The following GLCCI1 variants were observed in gnomAD, a reference collection of about 807,000 sequenced individuals.
GLCCI1 encodes the protein glucocorticoid-induced transcript 1 protein.
Under a neutral mutation model 52.2 loss-of-function variants are expected in GLCCI1, and 24 were observed. That is an observed-to-expected ratio of 0.46 (90% CI 0.33 to 0.65). The LOEUF is 0.65. Ranked by LOEUF, GLCCI1 falls within the 30% of genes least tolerant of loss-of-function variation. GLCCI1 has a pLI of 0.02. For synonymous variants in GLCCI1, 310 were observed against 276.5 expected (o/e 1.12, Z -1.20); for missense variants, 704 against 701.5 (o/e 1.00, Z -0.04).
Position 8,004,189 on chromosome 7 carries a change from C to G in GLCCI1, c.609+130C>G, listed in dbSNP as rs1040270672. 10 of 858,794 alleles carry G rather than the reference C, an allele frequency of 1.2e-5. No individual in the cohort carries two copies. In the African/African-American group the frequency reaches 1.7e-4, roughly 14 times the overall value. The allele number at this position is 858,794 out of a possible 1,614,324, so 53.2% of individuals were successfully genotyped here. On this transcript the variant is annotated intron_variant, in intron 2 of 7. Transcript: ENST00000223145. ...TCCAACCAAGGAAGAAAGGAAAAAT[C>G]CATTGTTTTAAATAAACTTTGCAGT...
chr7:7,989,407 A>G (rs1232608650), intron 1 of GLCCI1, among the ~76,000 whole-genome samples: 1 of 152,184 alleles, frequency 6.6e-6, no homozygotes, highest in Non-Finnish European at 1.5e-5. Context: ...GTAAAATGTC[A>G]GAGCATAGAA....
Position 8,069,411 on chromosome 7 carries a change from A to G in GLCCI1, c.967-1510A>G, listed in dbSNP as rs113899313. Among the ~76,000 whole-genome samples, 224 of 152,138 alleles carry G rather than the reference A, an allele frequency of 1.5e-3. 2 individuals are homozygous for G. Among genetic ancestry groups the G allele is most frequent in the African/African-American group, 4.8e-3 (200 of 41,500 alleles). Reference sequence around the variant, plus strand: ...TTCCTAGTACAAGGGTAGCAAGGGCAGTACCACTGCAGTGGCAGTGGCAGA... The same window carrying G: ...TTCCTAGTACAAGGGTAGCAAGGGCGGTACCACTGCAGTGGCAGTGGCAGA... On this transcript the variant is annotated intron_variant, in intron 5 of 7. Transcript: ENST00000223145.
chr7:8,051,853 G>A (rs1261545868), intron 3 of GLCCI1, among the ~76,000 whole-genome samples: 1 of 152,152 alleles, frequency 6.6e-6, no homozygotes, highest in African/African-American at 2.4e-5. Flanking sequence ...TTTACATATT[G>A]TGGATATGAA....
intron 1 of GLCCI1, among the ~76,000 whole-genome samples, chr7:7,993,704 A>G (rs1780888942): frequency 6.6e-6 from 1 of 151,658 alleles, no homozygotes; most frequent in African/African-American, 2.4e-5. Flanking sequence ...ACTCATTTAT[A>G]TTTGGTGTTT....
At chr7:7,994,706 T>G (rs1249162332) in intron 1 of GLCCI1, among the ~76,000 whole-genome samples, 1 of 152,232 alleles carries the variant, frequency 6.6e-6, no homozygotes, top group African/African-American at 2.4e-5. Flanking sequence ...AGCACCTTTC[T>G]TCCTTGCTGT....
intron 5 of GLCCI1, among the ~76,000 whole-genome samples, chr7:8,061,995 T>A (rs910596175): frequency 2.0e-5 from 3 of 152,092 alleles, no homozygotes; most frequent in Non-Finnish European, 1.5e-5. Flanking sequence ...ATGCATTAAG[T>A]GAAGTTTAAG....
intron 3 of GLCCI1, among the ~76,000 whole-genome samples, chr7:8,048,117 T>C (rs1453219319): frequency 2.0e-5 from 3 of 152,226 alleles, no homozygotes; most frequent in African/African-American, 7.2e-5. Context: ...GCTACTGTCA[T>C]AAGAGAGTTT....
At chr7:8,053,335 G>GTTTTTT (rs369225877) in intron 3 of GLCCI1, among the ~76,000 whole-genome samples, 39 of 134,048 alleles carry the variant, frequency 2.9e-4, no homozygotes, top group Non-Finnish European at 4.5e-4. Context: ...TTGTTTGTTT[G>GTTTTTT]TTTGTTTTGA....
rs1384949337 is a variant in GLCCI1 at position 8,088,180 on chromosome 7, A to G, written c.*1642A>G. Reference sequence around the variant, plus strand: ...AGAAGGTTGAAGAAGGATGAGTGATAGAGAAGAAAGCAACACCATTGATTT... The same window carrying G: ...AGAAGGTTGAAGAAGGATGAGTGATGGAGAAGAAAGCAACACCATTGATTT... On this transcript the variant is annotated 3_prime_UTR_variant, in exon 8 of 8. Transcript: ENST00000223145. 6.6e-6 allele frequency: 1 copy of G among 152,224 alleles called. No homozygotes were observed. Among genetic ancestry groups the G allele is most frequent in the African/African-American group, 2.4e-5 (1 of 41,306 alleles). The allele number at this position is 152,224 out of a possible 1,614,324, so 9.4% of individuals were successfully genotyped here. A position where few individuals can be genotyped will look rare whatever the true frequency, so the allele number is the denominator to read the frequency against.
At position 7,981,308 on chromosome 7, in the gene GLCCI1, TTCTG is replaced by T. The variant is rs1780613496; in HGVS notation, c.457+11505_457+11508del. On this transcript the variant is annotated intron_variant, in intron 1 of 7. Transcript: ENST00000223145. ...TCTCTCTCCCTCTTTCTCTCTTTCT[TTCTG>T]TCTCTCTTTCTTTCTTTCTTTTTTT... 4 of 244,212 alleles carry T rather than the reference TTCTG, an allele frequency of 1.6e-5. No homozygotes were observed. In the South Asian group the frequency reaches 1.9e-4, roughly 11 times the overall value. 15.1% of individuals were successfully genotyped at this position (244,212 alleles called of 1,614,324 possible). A position where few individuals can be genotyped will look rare whatever the true frequency, so the allele number is the denominator to read the frequency against.
At chr7:7,971,384 G>A (rs1780350186) in intron 1 of GLCCI1, among the ~76,000 whole-genome samples, 1 of 152,210 alleles carries the variant, frequency 6.6e-6, no homozygotes, top group Non-Finnish European at 1.5e-5. Flanking sequence ...TTCTAGAACT[G>A]TATGAAATGA....
In GLCCI1 at chr7:8,013,758, G is replaced by A. The variant is rs116390229; in HGVS notation, c.610-8725G>A. Among the ~76,000 whole-genome samples, 1,380 of 152,172 alleles carry A rather than the reference G, an allele frequency of 9.1e-3. 25 individuals are homozygous for A. The highest frequency in any genetic ancestry group is 0.031 in the African/African-American group (1,279 of 41,518). On this transcript the variant is annotated intron_variant, in intron 2 of 7. Coordinates refer to ENST00000223145, the MANE Select transcript of GLCCI1 (RefSeq NM_138426.4). ...TATTTTGTCTTTTTTGGTTGCTGTT[G>A]TAATTAGGATATTTAATATCTAATT...
At chr7:8,050,984 TTAGA>T (rs892351996) in intron 3 of GLCCI1, among the ~76,000 whole-genome samples, 18 of 152,296 alleles carry the variant, frequency 1.2e-4, no homozygotes, top group Non-Finnish European at 1.8e-4. Flanking sequence ...CAGTAAATAA[TTAGA>T]TAGGCAAATT....
At chr7:8,000,051 C>G (rs796996141) in intron 1 of GLCCI1, among the ~76,000 whole-genome samples, 5 of 152,196 alleles carry the variant, frequency 3.3e-5, no homozygotes, top group African/African-American at 1.2e-4. Context: ...AGTAGAGGCT[C>G]AAGTTATTCA....
intron 6 of GLCCI1, among the ~76,000 whole-genome samples, chr7:8,082,684 A>C (rs974802838): frequency 1.4e-4 from 22 of 152,278 alleles, no homozygotes; most frequent in Non-Finnish European, 2.4e-4. Flanking sequence ...AATACCCCCA[A>C]AAAAAGCAGA....
intron 3 of GLCCI1, among the ~76,000 whole-genome samples, chr7:8,049,306 C>T (rs1243686435): frequency 1.3e-5 from 2 of 151,952 alleles, no homozygotes; most frequent in African/African-American, 2.4e-5. Flanking sequence ...TCTGTTCATT[C>T]TTGGTATTTT....
intron 2 of GLCCI1, among the ~76,000 whole-genome samples, chr7:8,006,857 T>G (rs2115429291): frequency 6.6e-6 from 1 of 152,318 alleles, no homozygotes; most frequent in South Asian, 2.1e-4. Flanking sequence ...ATTCTGTACT[T>G]TAAGCTGGCT....
At chr7:8,057,655 C>T (rs994187146) in intron 4 of GLCCI1, among the ~76,000 whole-genome samples, 14 of 151,884 alleles carry the variant, frequency 9.2e-5, no homozygotes, top group Non-Finnish European at 1.5e-5. Context: ...CTGATTATAC[C>T]TCATTAAAGC....
At chr7:8,076,485 A>G (rs993267997) in intron 6 of GLCCI1, among the ~76,000 whole-genome samples, 10 of 152,200 alleles carry the variant, frequency 6.6e-5, no homozygotes, top group Non-Finnish European at 1.5e-4. Context: ...GCATCTTAAG[A>G]TACATACATT....
Sources: gnomAD v4.1 joint callset for allele counts (sites outside exome capture counted in the v4.1 genomes callset) on GRCh38, gnomAD v4.1.1 for gene constraint, MANE v1.5 for transcripts, NCBI Gene and HGNC (gene_info 2026-07-23, HGNC 2026-07-21) for gene names.